The following SOBP variants were observed in gnomAD, a reference collection of about 807,000 sequenced individuals.
The protein encoded by SOBP is sine oculis-binding protein homolog.
A neutral mutation model predicts 53.6 loss-of-function variants in SOBP; 4 were observed. That is an observed-to-expected ratio of 0.07 (90% CI 0.04 to 0.17). The LOEUF is 0.17. SOBP is among the 10% of genes least tolerant of loss of function. The pLI is 1.00. For missense variants in SOBP, 1,088 were observed against 1,204.7 expected, an observed-to-expected ratio of 0.90 and a Z score of 1.43; for synonymous variants, 584 against 522.6, an observed-to-expected ratio of 1.12 and a Z score of -1.60.
At position 107,635,304 on chromosome 6, in the gene SOBP, G is replaced by GCTGCCCAAGACCGGCTGCGTGATC. The variant is rs767819640; in HGVS notation, c.2462_2485dup (p.Leu821_Ile828dup). On this transcript the variant is annotated inframe_insertion, in exon 6 of 7. Coordinates refer to ENST00000317357, the MANE Select transcript of SOBP (RefSeq NM_018013.4). This position sits in a 1 kb window ranked among gnomAD's most constrained non-coding sequence, Gnocchi z 4.5. ...AGGACCATGCCTATGCTCTGCGGAT[G>GCTGCCCAAGACCGGCTGCGTGATC]CTGCCCAAGACCGGCTGCGTGATCC... 1.2e-6 allele frequency: 2 copies of GCTGCCCAAGACCGGCTGCGTGATC among 1,613,776 alleles called. No homozygotes were observed. The highest frequency in any genetic ancestry group is 1.3e-5 in the African/African-American group (1 of 74,930).
At chr6:107,581,886 T>G (rs1313125656) in intron 4 of SOBP, among the ~76,000 whole-genome samples, 2 of 152,340 alleles carry the variant, frequency 1.3e-5, no homozygotes, top group African/African-American at 4.8e-5. Context: ...TTTGGTGTTC[T>G]TAAGTCCGGT....
chr6:107,554,423 G>A (rs909748761), intron 4 of SOBP, among the ~76,000 whole-genome samples: 3 of 152,166 alleles, frequency 2.0e-5, no homozygotes, highest in African/African-American at 7.2e-5. Context: ...AAATAATCTT[G>A]CTGCCTGGAT....
At chr6:107,647,294 A>G (rs846962) in intron 6 of SOBP, among the ~76,000 whole-genome samples, 33,985 of 152,100 alleles carry the variant, frequency 0.22, 5,128 homozygotes, top group African/African-American at 0.41. Flanking sequence ...GAGGTTAAGT[A>G]TGCCACCCAG....
intron 4 of SOBP, among the ~76,000 whole-genome samples, chr6:107,571,643 G>A (rs544768893): frequency 2.0e-5 from 3 of 152,342 alleles, no homozygotes; most frequent in African/African-American, 7.2e-5. Context: ...GGGGAAGAGA[G>A]CTGTCTGTGA....
At chr6:107,620,913 T>C (rs1786980571) in intron 5 of SOBP, among the ~76,000 whole-genome samples, 1 of 152,174 alleles carries the variant, frequency 6.6e-6, no homozygotes, top group African/African-American at 2.4e-5. Flanking sequence ...GGCAGTACAG[T>C]TTTCTTCTGC....
intron 4 of SOBP, among the ~76,000 whole-genome samples, chr6:107,581,960 G>A (rs1785417285): frequency 6.6e-6 from 1 of 152,142 alleles, no homozygotes; most frequent in Non-Finnish European, 1.5e-5. Flanking sequence ...GGCTAAGCTT[G>A]GAAACTCTGT....
intron 1 of SOBP, among the ~76,000 whole-genome samples, chr6:107,491,022 G>A (rs1352079921): frequency 6.6e-6 from 1 of 152,140 alleles, no homozygotes; most frequent in Non-Finnish European, 1.5e-5. Flanking sequence ...AGGGGAAGAG[G>A]CTTTCCCAGT....
chr6:107,530,684 G>C (rs554071888), intron 3 of SOBP, among the ~76,000 whole-genome samples: 2 of 152,132 alleles, frequency 1.3e-5, no homozygotes, highest in South Asian at 4.2e-4. Context: ...AAATCTGATG[G>C]GCTTTTCCCA....
chr6:107,535,828 T>G (rs997329965), intron 4 of SOBP, among the ~76,000 whole-genome samples: 3 of 152,172 alleles, frequency 2.0e-5, no homozygotes, highest in Non-Finnish European at 4.4e-5. Context: ...CCTAATGGAT[T>G]GTATTAGATA....
chr6:107,654,427 C>T (rs1771930592), intron 6 of SOBP, among the ~76,000 whole-genome samples: 1 of 152,142 alleles, frequency 6.6e-6, no homozygotes, highest in African/African-American at 2.4e-5. Context: ...GGGTATTCCA[C>T]AAACCTCTGC....
At chr6:107,625,091 G>T (rs1367060046) in intron 5 of SOBP, among the ~76,000 whole-genome samples, 1 of 152,230 alleles carries the variant, frequency 6.6e-6, no homozygotes, top group Non-Finnish European at 1.5e-5. Context: ...TAAGGTATTT[G>T]TGGAGGTTCA....
At chr6:107,567,611 T>C (rs1784955940) in intron 4 of SOBP, among the ~76,000 whole-genome samples, 1 of 152,230 alleles carries the variant, frequency 6.6e-6, no homozygotes, top group Non-Finnish European at 1.5e-5. Flanking sequence ...GAAAGAGACT[T>C]GGCTCCTGAT....
intron 3 of SOBP, among the ~76,000 whole-genome samples, chr6:107,532,096 G>C (rs932906527): frequency 6.6e-6 from 1 of 152,052 alleles, no homozygotes; most frequent in Non-Finnish European, 1.5e-5. Context: ...GTCTTTGGGG[G>C]ATTTTATCCA....
intron 3 of SOBP, chr6:107,510,666 C>A (rs1783144232): frequency 3.3e-5 from 5 of 152,204 alleles, no homozygotes; most frequent in African/African-American, 1.2e-4. Context: ...ATCATTTTAA[C>A]TCTTCCATTG....
At chr6:107,650,711 T>G (rs1771768282) in intron 6 of SOBP, among the ~76,000 whole-genome samples, 1 of 152,224 alleles carries the variant, frequency 6.6e-6, no homozygotes, top group African/African-American at 2.4e-5. Flanking sequence ...TCCTTGGGCC[T>G]CCCTATTTCC....
intron 5 of SOBP, among the ~76,000 whole-genome samples, chr6:107,612,455 C>A (rs1416792087): frequency 6.6e-6 from 1 of 152,202 alleles, no homozygotes; most frequent in Non-Finnish European, 1.5e-5. Flanking sequence ...AGACTTAGAG[C>A]AGCAGTTTCA....
At chr6:107,612,821 T>C (rs1357415472) in intron 5 of SOBP, among the ~76,000 whole-genome samples, 1 of 152,250 alleles carries the variant, frequency 6.6e-6, no homozygotes, top group Admixed American at 6.5e-5. Flanking sequence ...CTATTCTAGA[T>C]GTTATGTACA....
intron 6 of SOBP, among the ~76,000 whole-genome samples, chr6:107,645,336 A>G (rs1343802422): frequency 6.6e-6 from 1 of 152,192 alleles, no homozygotes; most frequent in Non-Finnish European, 1.5e-5. Flanking sequence ...TAGTTCAGAG[A>G]TAGTCTTCAT....
At chr6:107,588,910 G>T (rs1219873960) in intron 5 of SOBP, among the ~76,000 whole-genome samples, 1 of 152,062 alleles carries the variant, frequency 6.6e-6, no homozygotes, top group African/African-American at 2.4e-5. Context: ...TGTGATAAAA[G>T]AAAAGGAATA....
Sources: allele counts gnomAD v4.1 joint callset (sites outside exome capture counted in the v4.1 genomes callset), GRCh38; gene constraint gnomAD v4.1.1; non-coding constraint Gnocchi (gnomAD v3.1); transcripts MANE v1.5; gene names NCBI Gene and HGNC (gene_info 2026-07-23, HGNC 2026-07-21).